The following ATRNL1 variants were observed in gnomAD, a reference collection of about 807,000 sequenced individuals.
ATRNL1 encodes attractin-like protein 1.
In ATRNL1, 95 loss-of-function variants were observed where a neutral mutation model predicts 182.7. The observed-to-expected ratio is 0.52, with a 90% CI of 0.44 to 0.62. The LOEUF is 0.62. Ranked by LOEUF, ATRNL1 falls within the 20% of genes least tolerant of loss-of-function variation. The pLI is 0.00. For synonymous variants in ATRNL1, 576 were observed against 568.3 expected (o/e 1.01, Z -0.19); for missense variants, 1,471 against 1,679.5 (o/e 0.88, Z 2.17).
chr10:115,365,800 G>T (rs1402722832), intron 19 of ATRNL1, among the ~76,000 whole-genome samples: 1 of 152,082 alleles, frequency 6.6e-6, no homozygotes, highest in East Asian at 1.9e-4. Flanking sequence ...TTCAGGAGCA[G>T]GTTGTTCAGT....
At chr10:115,791,824 A>G (rs1191396395) in intron 27 of ATRNL1, among the ~76,000 whole-genome samples, 5 of 152,194 alleles carry the variant, frequency 3.3e-5, no homozygotes, top group Admixed American at 3.3e-4. Flanking sequence ...CACTTTTGAT[A>G]TGAGTCAGAA....
Position 115,916,966 on chromosome 10 carries a change from C to CA in ATRNL1, c.4019-27686dup, listed in dbSNP as rs1203693715. Among the ~76,000 whole-genome samples, 204 of 152,258 alleles carry CA rather than the reference C, an allele frequency of 1.3e-3. 1 individual carries two copies. The highest frequency in any genetic ancestry group is 4.7e-3 in the African/African-American group (197 of 41,544). On this transcript the variant is annotated intron_variant, in intron 28 of 28. Coordinates refer to ENST00000355044, the MANE Select transcript of ATRNL1 (RefSeq NM_207303.4). ...TCAGGAACTGCCTCTAGGCGTGGCG[C>CA]AAAAAATTAAGTTCCCAGTTTTCAC... is the stretch of plus-strand genomic sequence containing the variant.
chr10:115,727,129 T>A lies in ATRNL1; in HGVS notation c.3796-119T>A. 3 of 683,878 alleles carry A rather than the reference T, an allele frequency of 4.4e-6. No homozygotes were observed. In the Admixed American group the frequency reaches 7.3e-5, roughly 17 times the overall value. The allele number at this position is 683,878 out of a possible 1,614,324, so 42.4% of individuals were successfully genotyped here. A position where few individuals can be genotyped will look rare whatever the true frequency, so the allele number is the denominator to read the frequency against. On this transcript the variant is annotated intron_variant, in intron 26 of 28. Coordinates refer to ENST00000355044, the MANE Select transcript of ATRNL1 (RefSeq NM_207303.4). ...ATCTTTAGTATTCTAGATATGGATA[T>A]CTGTATAAAATGATTCCTAACTTTT...
chr10:115,527,872 T>TTCCC, intron 25 of ATRNL1, among the ~76,000 whole-genome samples: 1 of 101,906 alleles, frequency 9.8e-6, no homozygotes, highest in Admixed American at 1.0e-4. Flanking sequence ...CCTTCTTTCC[T>TTCCC]TCCCTCCCTC....
chr10:115,834,693 G>A (rs1950630098), intron 27 of ATRNL1, among the ~76,000 whole-genome samples: 1 of 152,128 alleles, frequency 6.6e-6, no homozygotes, highest in Admixed American at 6.5e-5. Context: ...TCTCCAATGG[G>A]ATGTCTACGT....
At chr10:115,326,730 A>C (rs1854907482) in intron 18 of ATRNL1, among the ~76,000 whole-genome samples, 1 of 152,062 alleles carries the variant, frequency 6.6e-6, no homozygotes, top group Non-Finnish European at 1.5e-5. Flanking sequence ...TGGTACCAAA[A>C]CAGAGATATA....
At chr10:115,576,793 C>A (rs1854739192) in intron 26 of ATRNL1, among the ~76,000 whole-genome samples, 1 of 151,780 alleles carries the variant, frequency 6.6e-6, no homozygotes, top group Non-Finnish European at 1.5e-5. Context: ...CTGTGATACC[C>A]AAAAAAATTA....
intron 7 of ATRNL1, among the ~76,000 whole-genome samples, chr10:115,170,275 T>C (rs1847237254): frequency 6.6e-6 from 1 of 152,284 alleles, no homozygotes; most frequent in South Asian, 2.1e-4. Flanking sequence ...CTTAAATATC[T>C]TTTGTCAGGT....
At chr10:115,484,028 G>T (rs1848899172) in intron 24 of ATRNL1, among the ~76,000 whole-genome samples, 1 of 151,384 alleles carries the variant, frequency 6.6e-6, no homozygotes, top group Non-Finnish European at 1.5e-5. Flanking sequence ...CCTACACTAG[G>T]TCTCTCAAAA....
rs1304256137 is a variant in ATRNL1, at chr10:115,587,012, C to T, written c.3795+37476C>T. 1.0e-4 allele frequency among the ~76,000 whole-genome samples: 15 copies of T among 148,048 alleles called. 1 individual carries two copies. The highest frequency in any genetic ancestry group is 2.9e-4 in the African/African-American group (12 of 40,840). On this transcript the variant is annotated intron_variant, in intron 26 of 28. Transcript: ENST00000355044. ...CTGCAGCTCTGTTGGAATACCTGGC[C>T]GTGTGAGGTGTCAGTCTGCCCCTAC...
At chr10:115,192,034 A>C (rs1371096150) in intron 8 of ATRNL1, among the ~76,000 whole-genome samples, 1 of 151,812 alleles carries the variant, frequency 6.6e-6, no homozygotes, top group Non-Finnish European at 1.5e-5. Context: ...ATTTTCTCTC[A>C]TTCTGTGGGT....
chr10:115,738,262 AGTCT>A (rs1948036985), intron 27 of ATRNL1, among the ~76,000 whole-genome samples: 1 of 1,116 alleles, frequency 9.0e-4, no homozygotes, highest in Non-Finnish European at 0.038. Context: ...CCTCAGCCCC[AGTCT>A]GTAGCTGGGG....
chr10:115,471,247 A>T (rs1044629083), intron 24 of ATRNL1, among the ~76,000 whole-genome samples: 8 of 150,916 alleles, frequency 5.3e-5, no homozygotes, highest in African/African-American at 1.9e-4. Flanking sequence ...GCTTTCATCT[A>T]TCCATGGACA....
At chr10:115,914,708 C>G (rs1023821454) in intron 28 of ATRNL1, among the ~76,000 whole-genome samples, 2 of 152,148 alleles carry the variant, frequency 1.3e-5, no homozygotes, top group African/African-American at 4.8e-5. Flanking sequence ...TGGTGGAGAC[C>G]TTTCCATTTT....
chr10:115,449,650 G>A lies in ATRNL1; in HGVS notation c.3323-12291G>A, dbSNP rs142146830. Among the ~76,000 whole-genome samples, 337 of 152,170 alleles carry A rather than the reference G, an allele frequency of 2.2e-3. 1 individual carries two copies. Among genetic ancestry groups the A allele is most frequent in the African/African-American group, 7.6e-3 (316 of 41,528 alleles). On this transcript the variant is annotated intron_variant, in intron 21 of 28. Coordinates refer to ENST00000355044, the MANE Select transcript of ATRNL1 (RefSeq NM_207303.4). ...GGCTGCACAGAGTTTTGCTTCTGCC[G>A]GCACCCAGAAGCATTCATCCCAGTT...
chr10:115,132,501 G>A (rs1349245148), intron 5 of ATRNL1, among the ~76,000 whole-genome samples: 3 of 152,158 alleles, frequency 2.0e-5, no homozygotes, highest in Non-Finnish European at 4.4e-5. Flanking sequence ...TTGAGGAATT[G>A]CCACACTGTC....
intron 4 of ATRNL1, chr10:115,128,525 GAAC>G: frequency 2.0e-6 from 1 of 494,444 alleles, no homozygotes; most frequent in Non-Finnish European, 2.6e-6. Flanking sequence ...ATGCAAGGGA[GAAC>G]AAATATATAG....
At chr10:115,869,914 A>G (rs1951536930) in intron 28 of ATRNL1, among the ~76,000 whole-genome samples, 1 of 150,378 alleles carries the variant, frequency 6.6e-6, no homozygotes, top group South Asian at 2.1e-4. Flanking sequence ...GATGTATCAT[A>G]AACTTCCTAA....
intron 8 of ATRNL1, among the ~76,000 whole-genome samples, chr10:115,210,344 G>A (rs2144370406): frequency 6.6e-6 from 1 of 151,832 alleles, no homozygotes; most frequent in South Asian, 2.1e-4. Context: ...ATTTGTATTT[G>A]TTTGTGTGTG....
Sources: allele counts gnomAD v4.1 joint callset (sites outside exome capture counted in the v4.1 genomes callset), GRCh38; gene constraint gnomAD v4.1.1; transcripts MANE v1.5; gene names NCBI Gene and HGNC (gene_info 2026-07-23, HGNC 2026-07-21).